Variants in GRIA4 observed in about 807,000 individuals in gnomAD.
The protein encoded by GRIA4 is glutamate receptor 4.
GRIA4 carries 34 observed loss-of-function variants against 104.0 expected under a neutral mutation model. That is an observed-to-expected ratio of 0.33 (90% CI 0.25 to 0.44). The LOEUF (loss-of-function observed/expected upper bound fraction) is 0.44, where lower values mean the gene tolerates loss of function less well. Among genes scored for constraint, GRIA4 ranks in the 20% least tolerant of loss-of-function variants. GRIA4 has a pLI of 1.00. For synonymous variants in GRIA4, 386 were observed against 381.9 expected, an observed-to-expected ratio of 1.01 and a Z score of -0.13; for missense variants, 750 against 1,096.5, an observed-to-expected ratio of 0.68 and a Z score of 4.46.
intron 4 of GRIA4, among the ~76,000 whole-genome samples, chr11:105,816,607 G>T (rs1464443664): frequency 5.3e-5 from 8 of 152,078 alleles, no homozygotes; most frequent in Non-Finnish European, 1.2e-4. Context: ...AAATTACCCA[G>T]TCTCAGATAT....
intron 3 of GRIA4, among the ~76,000 whole-genome samples, chr11:105,663,024 C>A (rs1329150647): frequency 2.6e-5 from 4 of 151,742 alleles, no homozygotes; most frequent in African/African-American, 4.8e-5. Context: ...AAAATAATCA[C>A]GACAGATAAT....
intron 4 of GRIA4, among the ~76,000 whole-genome samples, chr11:105,823,471 G>T (rs910947038): frequency 2.0e-5 from 3 of 152,052 alleles, no homozygotes; most frequent in Non-Finnish European, 4.4e-5. Flanking sequence ...AAGAACTGCT[G>T]ATGGGAACCC....
chr11:105,860,451 T>C (rs1945178054), intron 4 of GRIA4, among the ~76,000 whole-genome samples: 1 of 152,128 alleles, frequency 6.6e-6, no homozygotes, highest in Admixed American at 6.5e-5. Flanking sequence ...CCAATTCCAG[T>C]ATCACAGGAA....
At chr11:105,668,633 G>C (rs1952252968) in intron 3 of GRIA4, among the ~76,000 whole-genome samples, 2 of 147,132 alleles carry the variant, frequency 1.4e-5, no homozygotes, top group South Asian at 2.1e-4. Flanking sequence ...GTATACAAAG[G>C]TTCCCTTTTC....
intron 3 of GRIA4, among the ~76,000 whole-genome samples, chr11:105,732,625 T>C (rs1413028202): frequency 6.6e-6 from 1 of 152,164 alleles, no homozygotes; most frequent in African/African-American, 2.4e-5. Context: ...GTGCCTTCTA[T>C]TGATGAAGCT....
intron 3 of GRIA4, among the ~76,000 whole-genome samples, chr11:105,693,974 C>G (rs576763840): frequency 6.6e-6 from 1 of 152,040 alleles, no homozygotes; most frequent in African/African-American, 2.4e-5. Flanking sequence ...TCTACAGCAC[C>G]GTAGGGACTT....
At chr11:105,939,119 A>G (rs1416221196) in intron 14 of GRIA4, among the ~76,000 whole-genome samples, 1 of 152,196 alleles carries the variant, frequency 6.6e-6, no homozygotes. Context: ...AAAAATGCTA[A>G]AATGATTTGC....
chr11:105,865,852 A>G (rs1428022836), intron 5 of GRIA4, among the ~76,000 whole-genome samples: 1 of 152,156 alleles, frequency 6.6e-6, no homozygotes, highest in African/African-American at 2.4e-5. Flanking sequence ...ATTGAGCAAA[A>G]TGGCACTTAA....
intron 3 of GRIA4, among the ~76,000 whole-genome samples, chr11:105,672,699 T>G (rs1418124207): frequency 6.6e-6 from 1 of 152,128 alleles, no homozygotes; most frequent in East Asian, 1.9e-4. Context: ...TGTGTCTTGC[T>G]GCATTGGCAC....
chr11:105,857,916 G>A (rs2136007270), intron 4 of GRIA4, among the ~76,000 whole-genome samples: 1 of 152,242 alleles, frequency 6.6e-6, no homozygotes, highest in East Asian at 1.9e-4. Flanking sequence ...AATAAGCCCA[G>A]CTATTGTTGT....
At chr11:105,931,636 C>T (rs949054493) in intron 13 of GRIA4, among the ~76,000 whole-genome samples, 1 of 151,894 alleles carries the variant, frequency 6.6e-6, no homozygotes, top group African/African-American at 2.4e-5. Context: ...ACCTGGGAGG[C>T]AGAGGTTGTA....
intron 4 of GRIA4, among the ~76,000 whole-genome samples, chr11:105,817,222 A>C (rs1943414162): frequency 6.6e-6 from 1 of 151,594 alleles, no homozygotes; most frequent in Admixed American, 6.6e-5. Context: ...AATGTTGGTA[A>C]ATCATCATTT....
chr11:105,708,753 C>T (rs1023795907), intron 3 of GRIA4, among the ~76,000 whole-genome samples: 1 of 151,002 alleles, frequency 6.6e-6, no homozygotes, highest in Admixed American at 6.6e-5. Flanking sequence ...AGAGAAGTTG[C>T]AAATAAAAAA....
At chr11:105,930,353 A>G (rs1357856026) in intron 13 of GRIA4, among the ~76,000 whole-genome samples, 1 of 152,030 alleles carries the variant, frequency 6.6e-6, no homozygotes, top group African/African-American at 2.4e-5. Flanking sequence ...TTCTTTTTTC[A>G]AAAACTTGCT....
intron 3 of GRIA4, among the ~76,000 whole-genome samples, chr11:105,747,132 CAT>C (rs1287537063): frequency 6.6e-6 from 1 of 152,122 alleles, no homozygotes; most frequent in Admixed American, 6.6e-5. Flanking sequence ...AACTCATAAA[CAT>C]AGAAATTCAC....
intron 3 of GRIA4, among the ~76,000 whole-genome samples, chr11:105,643,643 G>A (rs974690155): frequency 1.3e-5 from 2 of 152,186 alleles, no homozygotes; most frequent in Non-Finnish European, 2.9e-5. Flanking sequence ...AGAAAAGGGG[G>A]TAGTGGTTCT....
chr11:105,923,064 C>G (rs186208353), intron 11 of GRIA4, among the ~76,000 whole-genome samples: 1 of 152,048 alleles, frequency 6.6e-6, no homozygotes, highest in African/African-American at 2.4e-5. Context: ...CCCATTCTAA[C>G]CCCCCAGTTG....
At chr11:105,765,509 G>A (rs1940892000) in intron 4 of GRIA4, among the ~76,000 whole-genome samples, 1 of 152,162 alleles carries the variant, frequency 6.6e-6, no homozygotes, top group African/African-American at 2.4e-5. Flanking sequence ...AATGTGGAAC[G>A]GATGATGCTG....
intron 3 of GRIA4, among the ~76,000 whole-genome samples, chr11:105,680,354 A>T (rs1013052644): frequency 6.6e-6 from 1 of 152,038 alleles, no homozygotes; most frequent in African/African-American, 2.4e-5. Flanking sequence ...TTGGATGTTG[A>T]TTCTGAGCAT....
Sources: allele counts gnomAD v4.1 joint callset (sites outside exome capture counted in the v4.1 genomes callset), GRCh38; gene constraint gnomAD v4.1.1; transcripts MANE v1.5; gene names NCBI Gene and HGNC (gene_info 2026-07-23, HGNC 2026-07-21).